The following RASSF5 variants were observed in gnomAD, a reference collection of about 807,000 sequenced individuals.
RASSF5 encodes the protein Ras association domain family member 5.
A neutral mutation model predicts 40.5 loss-of-function variants in RASSF5; 25 were observed. The ratio of observed to expected loss-of-function variants is 0.62; its 90% confidence interval spans 0.45 to 0.86. The LOEUF is 0.86. Ranked by LOEUF, RASSF5 falls within the 40% of genes least tolerant of loss-of-function variation. The pLI is 0.00. For missense variants in RASSF5, 521 were observed against 572.8 expected, an observed-to-expected ratio of 0.91 and a Z score of 0.92; for synonymous variants, 246 against 252.4, an observed-to-expected ratio of 0.97 and a Z score of 0.24.
intron 1 of RASSF5, among the ~76,000 whole-genome samples, chr1:206,509,709 CAT>C (rs1157965757): frequency 1.4e-5 from 2 of 146,224 alleles, no homozygotes; most frequent in African/African-American, 5.1e-5. Flanking sequence ...AGATTTTGCA[CAT>C]AGTTTTGTGA....
Position 206,557,695 on chromosome 1 carries a change from T to G in RASSF5, c.579+19402T>G, listed in dbSNP as rs782734291. On this transcript the variant is annotated intron_variant, in intron 2 of 5. Transcript: ENST00000579436. ...GCGCAGAGCAAACATCTTTCAAAGGTAAACATAATAATGGAATGCAGGAGC... is the reference window on the plus strand; with the variant it reads ...GCGCAGAGCAAACATCTTTCAAAGGGAAACATAATAATGGAATGCAGGAGC... 3 of 1,614,060 alleles carry G rather than the reference T, an allele frequency of 1.9e-6. No homozygotes were observed. In the South Asian group the frequency reaches 3.3e-5, roughly 18 times the overall value.
chr1:206,523,737 TA>T (rs1558498316), intron 1 of RASSF5, among the ~76,000 whole-genome samples: 3 of 99,194 alleles, frequency 3.0e-5, no homozygotes, highest in Non-Finnish European at 5.4e-5. Flanking sequence ...ATATTATATA[TA>T]ATATATTTTA....
In RASSF5 at chr1:206,576,260, A is replaced by G. The variant is rs182618365; in HGVS notation, c.580-7009A>G. On this transcript the variant is annotated intron_variant, in intron 2 of 5. Transcript: ENST00000579436. Reference sequence around the variant, plus strand: ...GGATTTAACATTAGCCAGCAGCTGCAGAGATCTGTGACGATGGTAATTTGT... The same window carrying G: ...GGATTTAACATTAGCCAGCAGCTGCGGAGATCTGTGACGATGGTAATTTGT... Among the ~76,000 whole-genome samples the G allele has an allele frequency of 7.2e-5, 11 of 152,342 alleles. 1 individual carries two copies. The East Asian group carries it at 1.9e-3, about 27-fold the overall frequency.
At chr1:206,538,991 A>C (rs1667483306) in intron 2 of RASSF5, among the ~76,000 whole-genome samples, 1 of 152,244 alleles carries the variant, frequency 6.6e-6, no homozygotes. Context: ...AACAAATAGC[A>C]TACACTGTGA....
chr1:206,565,834 C>G (rs1383564408), intron 2 of RASSF5, among the ~76,000 whole-genome samples: 3 of 152,196 alleles, frequency 2.0e-5, no homozygotes, highest in Non-Finnish European at 4.4e-5. Flanking sequence ...TGCACCACCA[C>G]TGAGGAGGAT....
At chr1:206,510,979 G>A (rs1655870370) in intron 1 of RASSF5, among the ~76,000 whole-genome samples, 1 of 152,188 alleles carries the variant, frequency 6.6e-6, no homozygotes, top group Non-Finnish European at 1.5e-5. Flanking sequence ...CTTTAGTAAG[G>A]AAAGCATTTT....
intron 2 of RASSF5, among the ~76,000 whole-genome samples, chr1:206,581,735 C>T (rs947978506): frequency 3.3e-5 from 5 of 152,066 alleles, no homozygotes; most frequent in African/African-American, 1.2e-4. Context: ...TGGAGCCACG[C>T]CAGCTCCTCT....
At chr1:206,548,929 G>A (rs782271279) in intron 2 of RASSF5, among the ~76,000 whole-genome samples, 4 of 152,078 alleles carry the variant, frequency 2.6e-5, no homozygotes, top group Non-Finnish European at 4.4e-5. Flanking sequence ...GCAATGGCGC[G>A]TTCTCGGCTC....
At chr1:206,539,724 G>A (rs782261134) in intron 2 of RASSF5, among the ~76,000 whole-genome samples, 6 of 152,198 alleles carry the variant, frequency 3.9e-5, no homozygotes, top group Non-Finnish European at 8.8e-5. Context: ...ACAGGGAAAG[G>A]AGAGGAGGCA....
intron 1 of RASSF5, among the ~76,000 whole-genome samples, chr1:206,508,595 A>AT (rs1666530693): frequency 6.6e-6 from 1 of 152,020 alleles, no homozygotes; most frequent in Non-Finnish European, 1.5e-5. Flanking sequence ...ACCTTGTTAG[A>AT]TTTTGGATAA....
At chr1:206,570,357 G>A (rs1363002553) in intron 2 of RASSF5, among the ~76,000 whole-genome samples, 3 of 152,040 alleles carry the variant, frequency 2.0e-5, no homozygotes, top group Non-Finnish European at 2.9e-5. Context: ...GCCTCCCTAA[G>A]TTCTGGGATT....
chr1:206,523,916 A>G (rs1221112293), intron 1 of RASSF5, among the ~76,000 whole-genome samples: 1 of 113,252 alleles, frequency 8.8e-6, no homozygotes, highest in Non-Finnish European at 1.6e-5. Flanking sequence ...TTTTATATAT[A>G]ATATATATAC....
At chr1:206,553,525 A>G (rs1198246779) in intron 2 of RASSF5, among the ~76,000 whole-genome samples, 1 of 152,224 alleles carries the variant, frequency 6.6e-6, no homozygotes, top group Non-Finnish European at 1.5e-5. Flanking sequence ...GGGAATAACA[A>G]ACTCAATCTT....
At position 206,517,106 on chromosome 1, in the gene RASSF5, C is replaced by T. The variant is rs534776256; in HGVS notation, c.457+9047C>T. ...AGGAAGGGTGGCATCTGAGCACAGA[C>T]GTATAAGTGCATCTTCCACCAGAGA... On this transcript the variant is annotated intron_variant, in intron 1 of 5. Transcript: ENST00000579436. Among the ~76,000 whole-genome samples, 12 of 152,290 alleles carry T rather than the reference C, an allele frequency of 7.9e-5. No individual in the cohort carries two copies. In the South Asian group the frequency reaches 1.4e-3, roughly 18 times the overall value.
Position 206,584,346 on chromosome 1 carries a change from GC to G in RASSF5, c.691-40del. 1 of 1,567,594 alleles carries G rather than the reference GC, an allele frequency of 6.4e-7. No homozygotes were observed. Among genetic ancestry groups the G allele is most frequent in the Non-Finnish European group, 8.7e-7 (1 of 1,155,294 alleles). ...CGAGTGGCAGATATGATCATGCAAG[GC>G]GGACGGCCCTGACCCCCTGTGACAT... is the stretch of plus-strand genomic sequence containing the variant. On this transcript the variant is annotated intron_variant, in intron 3 of 5. Transcript: ENST00000579436. The surrounding 1 kb of genome is among the most constrained non-coding windows in gnomAD (Gnocchi z 4.9).
At chr1:206,532,770 C>A (rs1667275432) in intron 1 of RASSF5, among the ~76,000 whole-genome samples, 1 of 152,154 alleles carries the variant, frequency 6.6e-6, no homozygotes, top group Admixed American at 6.5e-5. Flanking sequence ...CTGGCCCTTA[C>A]CCACACCTTG....
At chr1:206,556,403 C>A (rs550274937) in intron 2 of RASSF5, among the ~76,000 whole-genome samples, 1 of 152,346 alleles carries the variant, frequency 6.6e-6, no homozygotes, top group South Asian at 2.1e-4. Context: ...GTAGCTAGAA[C>A]TGCTATTGAT....
intron 2 of RASSF5, among the ~76,000 whole-genome samples, chr1:206,564,853 A>C (rs1668242536): frequency 6.6e-6 from 1 of 152,186 alleles, no homozygotes; most frequent in Non-Finnish European, 1.5e-5. Context: ...CAGGGCCAGG[A>C]GGAAGAAAAG....
chr1:206,547,047 G>C (rs2103530430), intron 2 of RASSF5, among the ~76,000 whole-genome samples: 1 of 152,096 alleles, frequency 6.6e-6, no homozygotes, highest in Non-Finnish European at 1.5e-5. Context: ...GAGGTAGGAG[G>C]GTCATTTGAG....
Sources: gnomAD v4.1 joint callset for allele counts (sites outside exome capture counted in the v4.1 genomes callset) on GRCh38, gnomAD v4.1.1 for gene constraint, Gnocchi (gnomAD v3.1) non-coding constraint, MANE v1.5 for transcripts, NCBI Gene and HGNC (gene_info 2026-07-23, HGNC 2026-07-21) for gene names.